RPA1: variants seen among roughly 807,000 people sequenced by gnomAD.
RPA1 encodes the protein replication protein A 70 kDa DNA-binding subunit.
RPA1 carries 49 observed loss-of-function variants against 83.0 expected under a neutral mutation model. The ratio of observed to expected loss-of-function variants is 0.59; its 90% CI spans 0.47 to 0.75. RPA1 has a LOEUF of 0.75. RPA1 is among the 30% of genes least tolerant of loss of function. The pLI is 0.00. For missense variants in RPA1, 693 were observed against 776.1 expected (o/e 0.89, Z 1.27); for synonymous variants, 279 against 281.8 (o/e 0.99, Z 0.10).
chr17:1,874,450 G>A (rs8081207), intron 6 of RPA1, among the ~76,000 whole-genome samples: 4 of 152,170 alleles, frequency 2.6e-5, no homozygotes, highest in African/African-American at 4.8e-5. Flanking sequence ...AGGCTGCAGC[G>A]AGCTAAGATC....
chr17:1,854,463 G>T (rs1912613658), intron 5 of RPA1, among the ~76,000 whole-genome samples: 1 of 152,164 alleles, frequency 6.6e-6, no homozygotes, highest in South Asian at 2.1e-4. Context: ...ACTTTAGGAG[G>T]CTGAGGTGGA....
chr17:1,833,720 G>A (rs551171585), intron 1 of RPA1, among the ~76,000 whole-genome samples: 1 of 152,094 alleles, frequency 6.6e-6, no homozygotes, highest in South Asian at 2.1e-4. Flanking sequence ...CAGGTGTGGG[G>A]GCGCATGCCT....
At chr17:1,891,040 A>C (rs1303065956) in intron 14 of RPA1, among the ~76,000 whole-genome samples, 1 of 152,194 alleles carries the variant, frequency 6.6e-6, no homozygotes, top group African/African-American at 2.4e-5. Context: ...TTTCGTCATA[A>C]CATTCTCTCT....
Position 1,842,797 on chromosome 17 carries a change from C to T in RPA1, c.34-6C>T, listed in dbSNP as rs1260379079. 1 of 1,613,708 alleles carries T rather than the reference C, an allele frequency of 6.2e-7. No individual in the cohort carries two copies. Among genetic ancestry groups the T allele is most frequent in the Non-Finnish European group, 8.5e-7 (1 of 1,179,768 alleles). ...ATCTCACACAAACCTGTTTTTACTC[C>T]CTCAGGCCATCATGCAGAAGGGGGA... On this transcript the variant is annotated splice_region_variant and splice_polypyrimidine_tract_variant and intron_variant, in intron 1 of 16. Coordinates refer to ENST00000254719, the MANE Select transcript of RPA1 (RefSeq NM_002945.5).
chr17:1,888,693 G>A lies in RPA1; in HGVS notation c.1393G>A (p.Val465Met), dbSNP rs748708303. 2.3e-5 allele frequency: 37 copies of A among 1,613,506 alleles called. No individual in the cohort carries two copies. The highest frequency in any genetic ancestry group is 5.0e-5 in the Admixed American group (3 of 59,976). ...CCCGAAGCCGGACTACTTTAGTTCTGTGGCCACAGTGGTGTATCTTCGCAA... is the reference window on the plus strand; with the variant it reads ...CCCGAAGCCGGACTACTTTAGTTCTATGGCCACAGTGGTGTATCTTCGCAA... ...QGDKPDYFSS[V>M]ATVVYLRKEN... The change falls in exon 14 of 17, where the codon GTG becomes ATG. Residue 465 changes from valine to methionine, a missense_variant. Transcript: ENST00000254719.
At chr17:1,864,822 C>T (rs1913119420) in intron 5 of RPA1, among the ~76,000 whole-genome samples, 1 of 152,136 alleles carries the variant, frequency 6.6e-6, no homozygotes, top group Non-Finnish European at 1.5e-5. Context: ...ATCACTTGAG[C>T]CCGGGAGGTG....
intron 1 of RPA1, among the ~76,000 whole-genome samples, chr17:1,835,315 ATTTTTTTTTT>A (rs974781944): frequency 6.9e-6 from 1 of 145,144 alleles, no homozygotes. Flanking sequence ...TGCCCAGCTA[ATTTTTTTTTT>A]TTTTAATTTT....
At chr17:1,869,804 A>G (rs1357688620) in intron 5 of RPA1, among the ~76,000 whole-genome samples, 1 of 152,190 alleles carries the variant, frequency 6.6e-6, no homozygotes, top group Non-Finnish European at 1.5e-5. Context: ...CACAACATGC[A>G]CTGCAACATG....
At chr17:1,845,596 A>G (rs920471702) in intron 4 of RPA1, among the ~76,000 whole-genome samples, 1 of 152,132 alleles carries the variant, frequency 6.6e-6, no homozygotes, top group Non-Finnish European at 1.5e-5. Context: ...CATGCTAGAG[A>G]TACAGTGATG....
In RPA1 at chr17:1,866,720, C is replaced by T. The variant is rs369003106; in HGVS notation, c.362-5714C>T. ...AGGTGATCTGCCCACCTCTGCCTCC[C>T]GAAGTGCTGGGATTACAGGCGGGGA... On this transcript the variant is annotated intron_variant, in intron 5 of 16. Coordinates refer to ENST00000254719, the MANE Select transcript of RPA1 (RefSeq NM_002945.5). Among the ~76,000 whole-genome samples the T allele has an allele frequency of 1.6e-4, 24 of 152,366 alleles. No homozygotes were observed. In the East Asian group the frequency reaches 2.5e-3, roughly 16 times the overall value.
rs557940205 is a variant in RPA1 at position 1,839,130 on chromosome 17, A to G, written c.34-3673A>G. Among the ~76,000 whole-genome samples the G allele has an allele frequency of 4.6e-5, 7 of 152,286 alleles. No individual in the cohort carries two copies. In the South Asian group the frequency reaches 1.4e-3, roughly 32 times the overall value. The stretch of plus-strand genomic sequence containing the variant: ...CTCGGCCTCCCAAAGTGCTGGGATT[A>G]CAGGCGTGAGCCACTGCGCCCGGCC... On this transcript the variant is annotated intron_variant, in intron 1 of 16. Coordinates refer to ENST00000254719, the MANE Select transcript of RPA1 (RefSeq NM_002945.5).
chr17:1,842,635 C>T (rs1458363596), intron 1 of RPA1, among the ~76,000 whole-genome samples, 168 bp from the exon 2 acceptor site: 1 of 152,140 alleles, frequency 6.6e-6, no homozygotes, highest in Non-Finnish European at 1.5e-5. Context: ...TCCCTCTTAT[C>T]ATTTTATGAT....
chr17:1,889,710 C>T (rs1268868540), intron 14 of RPA1, among the ~76,000 whole-genome samples: 2 of 152,024 alleles, frequency 1.3e-5, no homozygotes, highest in Non-Finnish European at 2.9e-5. Flanking sequence ...TTTAAGAAAA[C>T]AGTTTAAGGC....
Position 1,884,073 on chromosome 17 carries a change from C to A in RPA1, c.1374+129C>A. On this transcript the variant is annotated intron_variant, in intron 13 of 16. Transcript: ENST00000254719. The surrounding 1 kb of genome is among the most constrained non-coding windows in gnomAD (Gnocchi z 4.1). ...ACCCGGGGCTGTGACCTGAGCGTGG[C>A]ATGGGGGTTGAGAATCACTGGCAGA... is the stretch of plus-strand genomic sequence containing the variant. The A allele has an allele frequency of 7.8e-7, 1 of 1,283,100 alleles. No individual in the cohort carries two copies. The highest frequency in any genetic ancestry group is 1.4e-5 in the South Asian group (1 of 71,220). The allele number at this position is 1,283,100 out of a possible 1,614,324, so 79.5% of individuals were successfully genotyped here.
intron 5 of RPA1, among the ~76,000 whole-genome samples, chr17:1,855,153 G>A (rs956089353): frequency 6.6e-6 from 1 of 152,020 alleles, no homozygotes; most frequent in African/African-American, 2.4e-5. Context: ...TAGTTAATAT[G>A]GTGAGTTACA....
In RPA1 at chr17:1,846,681, T is replaced by G. The variant is rs115513518; in HGVS notation, c.272+1995T>G. On this transcript the variant is annotated intron_variant, in intron 4 of 16. Coordinates refer to ENST00000254719, the MANE Select transcript of RPA1 (RefSeq NM_002945.5). Reference sequence around the variant, plus strand: ...TGTTCAGTCTGCCGATTCAGTTCTTTTCAACGAAGTTTTTCTGTGTGTTAT... The same window carrying G: ...TGTTCAGTCTGCCGATTCAGTTCTTGTCAACGAAGTTTTTCTGTGTGTTAT... 9.8e-3 allele frequency among the ~76,000 whole-genome samples: 1,486 copies of G among 152,306 alleles called. 34 individuals are homozygous for G. Among genetic ancestry groups the G allele is most frequent in the African/African-American group, 0.034 (1,394 of 41,564 alleles).
chr17:1,865,760 A>G (rs550807914), intron 5 of RPA1, among the ~76,000 whole-genome samples: 1 of 152,246 alleles, frequency 6.6e-6, no homozygotes, highest in South Asian at 2.1e-4. Flanking sequence ...AAGGCAGCAT[A>G]CTGTGTACAC....
chr17:1,883,893 C>T lies in RPA1; in HGVS notation c.1323C>T (p.Asn441=). The T allele has an allele frequency of 6.2e-7, 1 of 1,614,194 alleles. No individual in the cohort carries two copies. Among genetic ancestry groups the T allele is most frequent in the Non-Finnish European group, 8.5e-7 (1 of 1,180,040 alleles). ...KSGGVGGSNT[N]WKTLYEVKSE... ...GCGGAGTCGGAGGGAGTAACACCAA[C>T]TGGAAAACCTTGTATGAGGTCAAAT... The change falls in exon 13 of 17, where the codon AAC becomes AAT. Residue 441 remains asparagine (N), a synonymous_variant. Transcript: ENST00000254719.
At chr17:1,864,078 C>T (rs984440676) in intron 5 of RPA1, among the ~76,000 whole-genome samples, 11 of 152,288 alleles carry the variant, frequency 7.2e-5, no homozygotes, top group South Asian at 6.2e-4. Flanking sequence ...TGAAATCTTC[C>T]GCTGTGTATC....
Sources: gnomAD v4.1 joint callset for allele counts (sites outside exome capture counted in the v4.1 genomes callset) on GRCh38, gnomAD v4.1.1 for gene constraint, Gnocchi (gnomAD v3.1) non-coding constraint, MANE v1.5 for transcripts, NCBI Gene and HGNC (gene_info 2026-07-23, HGNC 2026-07-21) for gene names.